OR6N1: variants seen among roughly 807,000 people sequenced by gnomAD.
OR6N1 encodes olfactory receptor 6N1.
For missense variants in OR6N1, 394 were observed against 371.7 expected (o/e 1.06, Z -0.49); for synonymous variants, 170 against 150.7 (o/e 1.13, Z -0.94).
chr1:158,835,411 T>G, the OR6N1 span, among the ~76,000 whole-genome samples: 1 of 152,108 alleles, frequency 6.6e-6, no homozygotes, highest in Non-Finnish European at 1.5e-5. Context: ...TTGTTCGTTG[T>G]TAGCGTATAA....
At chr1:158,798,090 T>C in the OR6N1 span, among the ~76,000 whole-genome samples, 1 of 152,004 alleles carries the variant, frequency 6.6e-6, no homozygotes, top group Non-Finnish European at 1.5e-5. Context: ...CTTTGATGCA[T>C]CTGTAATTCT....
At chr1:158,824,395 TG>T in the OR6N1 span, among the ~76,000 whole-genome samples, 1 of 152,146 alleles carries the variant, frequency 6.6e-6, no homozygotes, top group Non-Finnish European at 1.5e-5. Context: ...TACCCAGTCT[TG>T]GGTATGTCTT....
At chr1:158,782,139 C>G in the OR6N1 span, among the ~76,000 whole-genome samples, 1 of 152,188 alleles carries the variant, frequency 6.6e-6, no homozygotes, top group Non-Finnish European at 1.5e-5. Context: ...TACTCTTTAC[C>G]TATGTACCCT....
chr1:158,799,870 C>T, the OR6N1 span, among the ~76,000 whole-genome samples: 3 of 152,084 alleles, frequency 2.0e-5, no homozygotes, highest in Non-Finnish European at 4.4e-5. Context: ...ATGAGTTACT[C>T]TATGGGAAGA....
At chr1:158,807,578 A>G in the OR6N1 span, among the ~76,000 whole-genome samples, 3 of 151,378 alleles carry the variant, frequency 2.0e-5, no homozygotes, top group Non-Finnish European at 4.4e-5. Context: ...ACATTTGGTC[A>G]CATAATAACC....
At chr1:158,796,891 T>C in the OR6N1 span, among the ~76,000 whole-genome samples, 1 of 152,150 alleles carries the variant, frequency 6.6e-6, no homozygotes, top group Non-Finnish European at 1.5e-5. Context: ...TTTTTTTTTT[T>C]TTGTAGGTCA....
the OR6N1 span, chr1:158,777,525 G>A: frequency 6.8e-5 from 109 of 1,614,084 alleles, no homozygotes; most frequent in African/African-American, 1.3e-3. Flanking sequence ...CACAGATGGT[G>A]AACAGGTATG....
At chr1:158,803,442 G>C in the OR6N1 span, among the ~76,000 whole-genome samples, 3 of 152,102 alleles carry the variant, frequency 2.0e-5, no homozygotes, top group Non-Finnish European at 4.4e-5. Flanking sequence ...CAGATCTTTT[G>C]TTTTCATTTT....
chr1:158,770,719 A>G (rs1657403601), intron 1 of OR6N1, among the ~76,000 whole-genome samples: 1 of 152,206 alleles, frequency 6.6e-6, no homozygotes, highest in Admixed American at 6.5e-5. Flanking sequence ...ATCAAACTTC[A>G]TATTTGTACT....
chr1:158,821,816 A>G, the OR6N1 span, among the ~76,000 whole-genome samples: 5 of 152,142 alleles, frequency 3.3e-5, no homozygotes, highest in African/African-American at 9.7e-5. Flanking sequence ...CAAGTACTGG[A>G]ATGTATGAGT....
At chr1:158,768,231 G>A (rs1243815093) in intron 1 of OR6N1, among the ~76,000 whole-genome samples, 1 of 151,502 alleles carries the variant, frequency 6.6e-6, no homozygotes, top group South Asian at 2.1e-4. Context: ...CTATAAATGT[G>A]TTGAAGACAT....
the OR6N1 span, among the ~76,000 whole-genome samples, chr1:158,800,841 C>G: frequency 6.6e-6 from 1 of 152,128 alleles, no homozygotes; most frequent in Non-Finnish European, 1.5e-5. Flanking sequence ...CTTTTTGTAT[C>G]TTCAATAAGC....
chr1:158,765,541 C>T lies in OR6N1; in HGVS notation c.*203G>A. 1.9e-6 allele frequency: 1 copy of T among 540,062 alleles called. No individual in the cohort carries two copies. The allele number at this position is 540,062 out of a possible 1,614,324, so 33.5% of individuals were successfully genotyped here. Reference sequence around the variant, plus strand: ...TCATGTTGAAGGGATGTGTACTTTCCCTAGTCTCTGGTCTCAAGCCAAATG... The same window carrying T: ...TCATGTTGAAGGGATGTGTACTTTCTCTAGTCTCTGGTCTCAAGCCAAATG... On this transcript the variant is annotated 3_prime_UTR_variant, in exon 2 of 2. Transcript: ENST00000641846.
At chr1:158,815,999 CA>C in the OR6N1 span, among the ~76,000 whole-genome samples, 28 of 150,452 alleles carry the variant, frequency 1.9e-4, no homozygotes, top group South Asian at 4.0e-3. Flanking sequence ...ACTAAAAATA[CA>C]AAAAAAAATT....
At chr1:158,786,058 G>A in the OR6N1 span, among the ~76,000 whole-genome samples, 1 of 152,138 alleles carries the variant, frequency 6.6e-6, no homozygotes, top group Admixed American at 6.5e-5. Flanking sequence ...ATAATCAGCA[G>A]AGTAAAAAGA....
At chr1:158,777,624 G>C in the OR6N1 span, 2 of 1,610,086 alleles carry the variant, frequency 1.2e-6, no homozygotes, top group African/African-American at 2.7e-5. Flanking sequence ...TTGAATGGTT[G>C]TATTGATCCA....
chr1:158,766,045 AGCAGGAAGGTGGCTAGGATCTT>A lies in OR6N1; in HGVS notation c.616_637del (p.Lys206Ter). On this transcript the variant is annotated frameshift_variant, in exon 2 of 2. Transcript: ENST00000641846. LOFTEE classifies it low-confidence loss of function (END_TRUNC). The stretch of plus-strand genomic sequence containing the variant: ...GATCTGCACATAGGAGCAGAGGATC[AGCAGGAAGGTGGCTAGGATCTT>A]GCAGGAATTTATAACAAAATCTACT... 1 of 1,614,244 alleles carries A rather than the reference AGCAGGAAGGTGGCTAGGATCTT, an allele frequency of 6.2e-7. No homozygotes were observed. The highest frequency in any genetic ancestry group is 8.5e-7 in the Non-Finnish European group (1 of 1,180,040).
At position 158,766,592 on chromosome 1, in the gene OR6N1, A is replaced by G. The variant is rs1657279334; in HGVS notation, c.91T>C (p.Leu31=). ...ACAGTCATGAGGTAAATGAGAAGCA[A>G]CAAGAGGAAGAGATAAATCTGGACA... ...QGVQIYLFLL[L]LLIYLMTVLG... The change falls in exon 2 of 2, where the codon TTG becomes CTG. Residue 31 remains leucine, a synonymous_variant. Transcript: ENST00000641846. The G allele has an allele frequency of 1.2e-6, 2 of 1,614,082 alleles. No individual in the cohort carries two copies. Among genetic ancestry groups the G allele is most frequent in the Non-Finnish European group, 1.7e-6 (2 of 1,179,986 alleles).
the OR6N1 span, chr1:158,777,755 C>G: frequency 1.6e-6 from 1 of 639,584 alleles, no homozygotes; most frequent in Non-Finnish European, 2.8e-6. Context: ...GAAATTACTA[C>G]TGTTGCCCTC....
Sources: gnomAD v4.1 joint callset for allele counts (sites outside exome capture counted in the v4.1 genomes callset) on GRCh38, gnomAD v4.1.1 for gene constraint, MANE v1.5 for transcripts, NCBI Gene and HGNC (gene_info 2026-07-23, HGNC 2026-07-21) for gene names.